ZNF263: variants seen among roughly 807,000 people sequenced by gnomAD.
ZNF263 encodes zinc finger protein FPM315.
In ZNF263, 49 loss-of-function variants were observed where a neutral mutation model predicts 63.1. The observed-to-expected ratio is 0.78, with a 90% CI of 0.62 to 0.99. ZNF263 has a LOEUF of 0.99. Among genes scored for constraint, ZNF263 ranks in the 50% least tolerant of loss-of-function variants. The pLI is 0.00. For missense variants in ZNF263, 872 were observed against 854.8 expected (o/e 1.02, Z -0.25); for synonymous variants, 352 against 324.2 (o/e 1.09, Z -0.92).
chr16:3,291,491 C>A (rs969928953), downstream of ZNF263: 10 of 985,426 alleles, frequency 1.0e-5, no homozygotes, highest in Non-Finnish European at 1.1e-5. Context: ...AAGCCTCTGT[C>A]TAGACCCCCG....
chr16:3,301,328 A>T (rs1162671039), exon 3 of ZNF263: 2 of 167,128 alleles, frequency 1.2e-5, no homozygotes, highest in Non-Finnish European at 2.9e-5. Flanking sequence ...GAAGTGAAGA[A>T]GAAAGTAGTT....
downstream of ZNF263, among the ~76,000 whole-genome samples, chr16:3,292,597 C>A (rs1047975233): frequency 1.4e-4 from 22 of 152,166 alleles, no homozygotes; most frequent in African/African-American, 4.6e-4. Context: ...GTTAAGATGG[C>A]AGTTTATGTG....
Position 3,290,716 on chromosome 16 carries a change from G to C in ZNF263, c.*158G>C. The C allele has an allele frequency of 4.2e-6, 6 of 1,424,222 alleles. No homozygotes were observed. The highest frequency in any genetic ancestry group is 5.1e-5 in the East Asian group (2 of 39,552). 88.2% of individuals were successfully genotyped at this position (1,424,222 alleles called of 1,614,324 possible). The stretch of plus-strand genomic sequence containing the variant: ...GAGGTGCAGAGGCAGCAGAGGATTG[G>C]CATAAAACTGAAAAGGAGTTCTGTC... On this transcript the variant is annotated 3_prime_UTR_variant, in exon 6 of 6. Transcript: ENST00000219069.
At position 3,289,907 on chromosome 16, in the gene ZNF263, C is replaced by T. The variant is rs200825195; in HGVS notation, c.1401C>T (p.Cys467=). 3.1e-5 allele frequency: 50 copies of T among 1,614,042 alleles called. No individual in the cohort carries two copies. The highest frequency in any genetic ancestry group is 2.5e-4 in the Admixed American group (15 of 60,006). The change falls in exon 6 of 6, where the codon TGC becomes TGT. Residue 467 remains cysteine, a synonymous_variant. Transcript: ENST00000219069. ...TGEKPYQCNI[C]GKCFSCNSNL... is the part of the protein sequence containing the mutation. ...AGAAGCCCTATCAGTGCAACATTTG[C>T]GGAAAATGTTTCTCCTGCAACTCCA...
rs1455069316 is a variant in ZNF263, at chr16:3,284,183, A to C, written c.365A>C (p.Glu122Ala). ...ACCCTTGTGGAGGATATGCAGAGAG[A>C]GCTTGGGAGACTGAGACAACAGGTG... is the stretch of plus-strand genomic sequence containing the variant. ...AVTLVEDMQR[E>A]LGRLRQQVTN... is the part of the protein sequence containing the mutation. The change falls in exon 1 of 6, where the codon GAG becomes GCG. Residue 122 changes from glutamate to alanine, a missense_variant. Coordinates refer to ENST00000219069, the MANE Select transcript of ZNF263 (RefSeq NM_005741.5). 6.5e-7 allele frequency: 1 copy of C among 1,548,160 alleles called. No individual in the cohort carries two copies. Among genetic ancestry groups the C allele is most frequent in the South Asian group, 1.2e-5 (1 of 82,150 alleles).
chr16:3,295,431 C>T (rs1232556343), downstream of ZNF263, among the ~76,000 whole-genome samples: 1 of 152,212 alleles, frequency 6.6e-6, no homozygotes, highest in East Asian at 1.9e-4. Context: ...TGTATGGTGG[C>T]TCCGGTGTAT....
chr16:3,285,110 C>T lies in ZNF263; in HGVS notation c.439C>T (p.Leu147=). The change falls in exon 2 of 6, where the codon CTG becomes TTG. Residue 147 remains leucine, a synonymous_variant. Transcript: ENST00000219069. The part of the protein sequence containing the change: ...TEVLLEEPLP[L]ETARESPSFK... ...AGTGCTTTTGGAGGAGCCTTTGCCT[C>T]TGGAAACAGCACGAGAGTCACCGAG... The T allele has an allele frequency of 6.2e-7, 1 of 1,614,168 alleles. No individual in the cohort carries two copies. The highest frequency in any genetic ancestry group is 8.5e-7 in the Non-Finnish European group (1 of 1,180,036).
chr16:3,294,378 T>C (rs532534130), downstream of ZNF263, among the ~76,000 whole-genome samples: 2 of 152,340 alleles, frequency 1.3e-5, no homozygotes, highest in East Asian at 3.9e-4. Flanking sequence ...TCTTAATGTG[T>C]GTTACAGGAA....
At chr16:3,299,693 T>G in intron 2 of ZNF263, 2 of 1,539,516 alleles carry the variant, frequency 1.3e-6, no homozygotes. Flanking sequence ...TCCTCACTGG[T>G]TAGGGATTCA....
In ZNF263 at chr16:3,289,390, CAGG is replaced by C. The variant is rs778446340; in HGVS notation, c.887_889del (p.Gly296del). On this transcript the variant is annotated splice_acceptor_variant and coding_sequence_variant, in exon 6 of 6. Transcript: ENST00000219069. LOFTEE classifies it high-confidence loss of function. ...ACGGGTTTGGTTTCTCTCTCTCTAC[CAGG>C]AGAAGAGAAATTTGAGAACCTGGAA... 1.3e-6 allele frequency: 2 copies of C among 1,509,782 alleles called. No individual in the cohort carries two copies. Among genetic ancestry groups the C allele is most frequent in the Non-Finnish European group, 1.8e-6 (2 of 1,130,158 alleles). The allele number at this position is 1,509,782 out of a possible 1,614,324, so 93.5% of individuals were successfully genotyped here. A position where few individuals can be genotyped will look rare whatever the true frequency, so the allele number is the denominator to read the frequency against.
At chr16:3,295,766 CAG>C (rs1959729269), downstream of ZNF263, among the ~76,000 whole-genome samples, 1 of 152,222 alleles carries the variant, frequency 6.6e-6, no homozygotes, top group Non-Finnish European at 1.5e-5. Context: ...ACTGAAGAGG[CAG>C]AGTCAACGCA....
intron 3 of ZNF263, 52 bp downstream of exon 3, chr16:3,285,806 G>T: frequency 1.3e-6 from 2 of 1,596,748 alleles, no homozygotes; most frequent in South Asian, 2.2e-5. Flanking sequence ...TCCCCTGAGT[G>T]TTGGGGGTGG....
Position 3,283,764 on chromosome 16 carries a change from G to C in ZNF263, c.-55G>C. 1.3e-6 allele frequency: 2 copies of C among 1,494,430 alleles called. No homozygotes were observed. The highest frequency in any genetic ancestry group is 2.3e-5 in the East Asian group (1 of 42,982). The allele number at this position is 1,494,430 out of a possible 1,614,324, so 92.6% of individuals were successfully genotyped here. A position where few individuals can be genotyped will look rare whatever the true frequency, so the allele number is the denominator to read the frequency against. On this transcript the variant is annotated 5_prime_UTR_variant, in exon 1 of 6. Transcript: ENST00000219069. ...GTCCAACCTTACATGGGTTCAGGGC[G>C]CCTTCGTAGGCGGGCACGGCTGGTT... is the stretch of plus-strand genomic sequence containing the variant.
At position 3,289,652 on chromosome 16, in the gene ZNF263, G is replaced by A; in HGVS notation, c.1146G>A (p.Leu382=). ...LQPKKLHLCP[L]CGKNFSNNSN... is the part of the protein sequence containing the mutation. ...CAAAGAAACTCCATTTATGTCCCTTGTGTGGCAAAAATTTCTCTAACAACT... is the reference window on the plus strand; with the variant it reads ...CAAAGAAACTCCATTTATGTCCCTTATGTGGCAAAAATTTCTCTAACAACT... Residue 382 remains leucine (L), a synonymous_variant, in exon 6 of 6, where the codon TTG becomes TTA. Coordinates refer to ENST00000219069, the MANE Select transcript of ZNF263 (RefSeq NM_005741.5). The A allele has an allele frequency of 6.2e-7, 1 of 1,614,234 alleles. No individual in the cohort carries two copies. Among genetic ancestry groups the A allele is most frequent in the Non-Finnish European group, 8.5e-7 (1 of 1,180,046 alleles).
Position 3,285,734 on chromosome 16 carries a change from AAGG to A in ZNF263, c.625_627del (p.Glu209del), listed in dbSNP as rs755590054. ...TCCTCCTGAAGGGAACATGGAAGAC[AAGG>A]AGATGACTGGGCCCCAGGTGATGTG... On this transcript the variant is annotated inframe_deletion, in exon 3 of 6. Coordinates refer to ENST00000219069, the MANE Select transcript of ZNF263 (RefSeq NM_005741.5). The A allele has an allele frequency of 5.0e-6, 8 of 1,613,998 alleles. No individual in the cohort carries two copies. The East Asian group carries it at 1.6e-4, about 31-fold the overall frequency.
In ZNF263 at chr16:3,286,055, C is replaced by T. The variant is rs781026881; in HGVS notation, c.675C>T (p.Tyr225=). Residue 225 remains tyrosine, a synonymous_variant, in exon 4 of 6, where the codon TAC becomes TAT. Transcript: ENST00000219069. ...LPESLEDVAM[Y]ISQEEWGHQD... Reference sequence around the variant, plus strand: ...AGAGCTTAGAGGACGTGGCAATGTACATCTCCCAGGAGGAGTGGGGGCATC... The same window carrying T: ...AGAGCTTAGAGGACGTGGCAATGTATATCTCCCAGGAGGAGTGGGGGCATC... 4 of 1,613,662 alleles carry T rather than the reference C, an allele frequency of 2.5e-6. No individual in the cohort carries two copies. The highest frequency in any genetic ancestry group is 3.4e-6 in the Non-Finnish European group (4 of 1,179,852).
At position 3,289,573 on chromosome 16, in the gene ZNF263, C is replaced by T. The variant is rs369060248; in HGVS notation, c.1067C>T (p.Ala356Val). The T allele has an allele frequency of 1.5e-4, 239 of 1,613,576 alleles. 1 individual carries two copies. The highest frequency in any genetic ancestry group is 1.5e-4 in the Non-Finnish European group (178 of 1,179,802). ...CCCCCAGAGGGTGGAATGGAGCAGGCCTTGGCAGGAGCCTCAAGTGGCAGA... is the reference window on the plus strand; with the variant it reads ...CCCCCAGAGGGTGGAATGGAGCAGGTCTTGGCAGGAGCCTCAAGTGGCAGA... The part of the protein sequence containing the change: ...APPPEGGMEQ[A>V]LAGASSGREL... The change falls in exon 6 of 6, where the codon GCC (alanine) becomes GTC (valine). Residue 356 changes from alanine to valine, a missense_variant. Ala to Val is a moderately conservative substitution (Grantham distance 64, BLOSUM62 0). Coordinates refer to ENST00000219069, the MANE Select transcript of ZNF263 (RefSeq NM_005741.5).
chr16:3,292,606 T>C (rs994501964), downstream of ZNF263, among the ~76,000 whole-genome samples: 1 of 152,206 alleles, frequency 6.6e-6, no homozygotes, highest in African/African-American at 2.4e-5. Flanking sequence ...GCAGTTTATG[T>C]GGACAGAGAC....
In ZNF263 at chr16:3,283,640, C is replaced by T; in HGVS notation, c.-179C>T. ...GGGGCCGGCGTGGCGGCGCCTGGGACCGACTGAGGCCTAGGCGCCGGAGCC... is the reference window on the plus strand; with the variant it reads ...GGGGCCGGCGTGGCGGCGCCTGGGATCGACTGAGGCCTAGGCGCCGGAGCC... On this transcript the variant is annotated 5_prime_UTR_variant, in exon 1 of 6. Transcript: ENST00000219069. 2 of 1,013,160 alleles carry T rather than the reference C, an allele frequency of 2.0e-6. No homozygotes were observed. Among genetic ancestry groups the T allele is most frequent in the Non-Finnish European group, 2.6e-6 (2 of 779,984 alleles). The allele number at this position is 1,013,160 out of a possible 1,614,324, so 62.8% of individuals were successfully genotyped here. A position where few individuals can be genotyped will look rare whatever the true frequency, so the allele number is the denominator to read the frequency against.
Sources: allele counts gnomAD v4.1 joint callset (sites outside exome capture counted in the v4.1 genomes callset), GRCh38; gene constraint gnomAD v4.1.1; transcripts MANE v1.5; gene names NCBI Gene and HGNC (gene_info 2026-07-23, HGNC 2026-07-21).